Variants in RAB20 observed in about 807,000 individuals in gnomAD.
The protein encoded by RAB20 is RAB20, member RAS oncogene family.
A neutral mutation model predicts 3.7 loss-of-function variants in RAB20; 2 were observed. The ratio of observed to expected loss-of-function variants is 0.54; its 90% CI spans 0.22 to 1.69. RAB20 has a LOEUF of 1.69. RAB20 is among the 40% of genes most tolerant of loss of function. The probability of loss-of-function intolerance (pLI) is 0.19; values close to 1 mark genes in which losing one functional copy is unlikely to be tolerated. For missense variants in RAB20, 276 were observed against 311.9 expected, an observed-to-expected ratio of 0.88 and a Z score of 0.87; for synonymous variants, 126 against 130.8, an observed-to-expected ratio of 0.96 and a Z score of 0.25.
At chr13:110,545,128 G>A (rs1228496905) in intron 1 of RAB20, among the ~76,000 whole-genome samples, 2 of 151,978 alleles carry the variant, frequency 1.3e-5, no homozygotes, top group South Asian at 2.1e-4. Flanking sequence ...CCCAGTCTCG[G>A]TTATGTCTTT....
intron 1 of RAB20, among the ~76,000 whole-genome samples, chr13:110,551,058 T>C (rs1884943581): frequency 6.6e-6 from 1 of 152,212 alleles, no homozygotes; most frequent in Non-Finnish European, 1.5e-5. Context: ...CTAATGTCAG[T>C]CTGTGAATTT....
At chr13:110,559,333 G>A (rs1341170336) in intron 1 of RAB20, among the ~76,000 whole-genome samples, 1 of 151,582 alleles carries the variant, frequency 6.6e-6, no homozygotes, top group Non-Finnish European at 1.5e-5. Context: ...AACTTGAAAA[G>A]CAATGTCTGT....
At chr13:110,543,774 A>AT (rs60203869) in intron 1 of RAB20, among the ~76,000 whole-genome samples, 918 of 74,342 alleles carry the variant, frequency 0.012, 12 homozygotes, top group East Asian at 0.088. Context: ...AATGTGGGTT[A>AT]TTTTTTTTTT....
intron 1 of RAB20, among the ~76,000 whole-genome samples, chr13:110,542,776 A>G (rs549700296): frequency 1.5e-4 from 23 of 152,326 alleles, no homozygotes; most frequent in African/African-American, 5.3e-4. Context: ...GAGTGCAGAC[A>G]TCTCTGAGAA....
chr13:110,556,652 G>T (rs1179017525), intron 1 of RAB20, among the ~76,000 whole-genome samples: 1 of 152,014 alleles, frequency 6.6e-6, no homozygotes, highest in African/African-American at 2.4e-5. Context: ...TCTTACCTCA[G>T]CCTCCCAAGT....
chr13:110,544,636 G>C (rs954086547), intron 1 of RAB20, among the ~76,000 whole-genome samples: 1 of 152,342 alleles, frequency 6.6e-6, no homozygotes, highest in East Asian at 1.9e-4. Flanking sequence ...AAGAAGTCAA[G>C]GCACAGAGAC....
In RAB20 at chr13:110,524,278, C is replaced by T. The variant is rs945079677; in HGVS notation, c.173-81G>A. The T allele has an allele frequency of 3.4e-6, 5 of 1,485,186 alleles. No individual in the cohort carries two copies. The African/African-American group carries it at 7.0e-5, about 21-fold the overall frequency. 92.0% of individuals were successfully genotyped at this position (1,485,186 alleles called of 1,614,324 possible). Reference sequence around the variant, plus strand: ...ACCAGCCACACTGCAAGGGAACGTCCCACAGGGATGTTTATTTTTAGGGCA... The same window carrying T: ...ACCAGCCACACTGCAAGGGAACGTCTCACAGGGATGTTTATTTTTAGGGCA... On this transcript the variant is annotated intron_variant, in intron 1 of 1. Transcript: ENST00000267328.
In RAB20 at chr13:110,561,629, T is replaced by C; in HGVS notation, c.-110A>G. 3 of 1,471,282 alleles carry C rather than the reference T, an allele frequency of 2.0e-6. No homozygotes were observed. In the South Asian group the frequency reaches 4.2e-5, roughly 21 times the overall value. 91.1% of individuals were successfully genotyped at this position (1,471,282 alleles called of 1,614,324 possible). On this transcript the variant is annotated 5_prime_UTR_variant, in exon 1 of 2. Transcript: ENST00000267328. ...ACCCCGGACTCGCCGGGACCCGGAT[T>C]CTCGTGAACGCTCCGGGACCTTCGC... is the stretch of plus-strand genomic sequence containing the variant.
intron 1 of RAB20, among the ~76,000 whole-genome samples, chr13:110,529,538 G>A (rs1168608180): frequency 2.6e-5 from 4 of 152,184 alleles, no homozygotes; most frequent in Admixed American, 6.5e-5. Context: ...CCAATTCTGG[G>A]GATGCCAGAG....
chr13:110,543,274 G>A (rs1884796900), intron 1 of RAB20, among the ~76,000 whole-genome samples: 1 of 152,046 alleles, frequency 6.6e-6, no homozygotes, highest in African/African-American at 2.4e-5. Context: ...GACTACAGAT[G>A]TGCACCACCT....
intron 1 of RAB20, among the ~76,000 whole-genome samples, chr13:110,544,765 G>A (rs1002604696): frequency 5.9e-5 from 9 of 152,210 alleles, no homozygotes; most frequent in African/African-American, 2.2e-4. Context: ...GCGCCTCACC[G>A]AGGGAAAGTG....
chr13:110,540,742 CA>C (rs57711956), intron 1 of RAB20, among the ~76,000 whole-genome samples: 90,613 of 142,210 alleles, frequency 0.64, 28,722 homozygotes, highest in East Asian at 0.77. Context: ...AACTCCGTCT[CA>C]AAAAAAAAAA....
chr13:110,549,573 G>A (rs1249658726), intron 1 of RAB20, among the ~76,000 whole-genome samples: 3 of 152,222 alleles, frequency 2.0e-5, no homozygotes, highest in Admixed American at 2.0e-4. Flanking sequence ...ACTCTAATCT[G>A]ATTGTGGGTC....
chr13:110,549,695 T>C (rs1884917195), intron 1 of RAB20, among the ~76,000 whole-genome samples: 1 of 150,612 alleles, frequency 6.6e-6, no homozygotes. Context: ...GACTGCACCC[T>C]TTTTATCCAA....
chr13:110,536,733 G>T (rs899361334), intron 1 of RAB20, among the ~76,000 whole-genome samples: 3 of 98,898 alleles, frequency 3.0e-5, no homozygotes, highest in Admixed American at 1.2e-4. Flanking sequence ...GGGCGGTGGG[G>T]GGGGGTTGTT....
intron 1 of RAB20, among the ~76,000 whole-genome samples, chr13:110,526,990 C>A (rs34262327): frequency 6.6e-5 from 10 of 151,996 alleles, no homozygotes; most frequent in African/African-American, 2.4e-4. Flanking sequence ...GGTCTTGACA[C>A]AAATGAAGTT....
chr13:110,538,641 A>G (rs1157214790), intron 1 of RAB20, among the ~76,000 whole-genome samples: 1 of 151,822 alleles, frequency 6.6e-6, no homozygotes, highest in East Asian at 1.9e-4. Context: ...AAGAAAAGAA[A>G]AAGAAATAAA....
intron 1 of RAB20, among the ~76,000 whole-genome samples, chr13:110,548,832 A>G (rs988031844): frequency 6.6e-6 from 1 of 152,078 alleles, no homozygotes; most frequent in Non-Finnish European, 1.5e-5. Context: ...AGGTGAGGAT[A>G]ACACCAAGCA....
At chr13:110,544,243 A>G (rs1023530077) in intron 1 of RAB20, among the ~76,000 whole-genome samples, 3 of 152,162 alleles carry the variant, frequency 2.0e-5, no homozygotes, top group Admixed American at 2.0e-4. Context: ...ACCCTGTTCC[A>G]TTGGTCAATG....
Sources: allele counts gnomAD v4.1 joint callset (sites outside exome capture counted in the v4.1 genomes callset), GRCh38; gene constraint gnomAD v4.1.1; transcripts MANE v1.5; gene names NCBI Gene and HGNC (gene_info 2026-07-23, HGNC 2026-07-21).